Variants in TENM1 observed in about 807,000 individuals in gnomAD.
The protein encoded by TENM1 is teneurin transmembrane protein 1.
TENM1 carries 35 observed loss-of-function variants against 174.8 expected under a neutral mutation model. The ratio of observed to expected loss-of-function variants is 0.20; its 90% CI spans 0.15 to 0.27. The LOEUF is 0.27. Among genes scored for constraint, TENM1 ranks in the 10% least tolerant of loss-of-function variants. The probability of loss-of-function intolerance (pLI) is 1.00; values close to 1 mark genes in which losing one functional copy is unlikely to be tolerated. For synonymous variants in TENM1, 781 were observed against 798.7 expected (o/e 0.98, Z 0.37); for missense variants, 1,633 against 2,130.1 (o/e 0.77, Z 4.59).
chrX:124,818,972 A>G (rs1320887372), intron 3 of TENM1, among the ~76,000 whole-genome samples: 3 of 112,047 alleles, frequency 2.7e-5, no homozygotes, highest in Non-Finnish European at 5.6e-5. Context: ...TTTGCCTAAG[A>G]GCAAGCATAG....
the TENM1 span, among the ~76,000 whole-genome samples, chrX:125,063,712 G>A: frequency 2.9e-4 from 32 of 111,505 alleles, no homozygotes; most frequent in Non-Finnish European, 4.9e-4. Flanking sequence ...ACTGTTGGTG[G>A]GACTGTAAAC....
At chrX:125,203,150 G>A in the TENM1 span, among the ~76,000 whole-genome samples, 3 of 113,002 alleles carry the variant, frequency 2.7e-5, no homozygotes, top group Admixed American at 9.2e-5. Flanking sequence ...GCGTAGGTTA[G>A]GAGGTCCTGC....
chrX:124,444,095 A>G (rs2060939880), intron 23 of TENM1, among the ~76,000 whole-genome samples: 1 of 112,152 alleles, frequency 8.9e-6, no homozygotes, highest in African/African-American at 3.2e-5. Flanking sequence ...AATCTAACAG[A>G]TAACTAGTCT....
chrX:124,378,476 A>G (rs1460320804), exon 32 of TENM1: 1 of 112,267 alleles, frequency 8.9e-6, no homozygotes, highest in Non-Finnish European at 1.9e-5. Flanking sequence ...AATTTTCAAC[A>G]AGTTTGTTAG....
chrX:124,557,458 C>CTT (rs67506211), intron 14 of TENM1, among the ~76,000 whole-genome samples: 2 of 104,969 alleles, frequency 1.9e-5, no homozygotes, highest in African/African-American at 6.9e-5. Flanking sequence ...TCTATCACCA[C>CTT]TTTTTTTTTT....
intron 3 of TENM1, among the ~76,000 whole-genome samples, chrX:124,755,238 T>C (rs1296030172): frequency 4.6e-5 from 5 of 109,661 alleles, no homozygotes; most frequent in African/African-American, 1.4e-4. Flanking sequence ...TTTACCATTA[T>C]GTAATGGCCT....
intron 6 of TENM1, among the ~76,000 whole-genome samples, chrX:124,667,156 A>G (rs2051787470): frequency 8.9e-6 from 1 of 111,949 alleles, no homozygotes; most frequent in African/African-American, 3.2e-5. Context: ...TTAACATTCT[A>G]ATTTATTGAT....
chrX:124,798,237 T>A (rs1263494722), intron 3 of TENM1, among the ~76,000 whole-genome samples: 2 of 111,654 alleles, frequency 1.8e-5, no homozygotes, highest in African/African-American at 3.3e-5. Flanking sequence ...AAATGGTATT[T>A]CTGGTACTAG....
At chrX:125,203,528 T>C in the TENM1 span, among the ~76,000 whole-genome samples, 1 of 112,307 alleles carries the variant, frequency 8.9e-6, no homozygotes, top group Non-Finnish European at 1.9e-5. Flanking sequence ...CAGGGCCCGC[T>C]GGAAGCTTGA....
chrX:124,921,386 TC>T (rs1371469044), intron 1 of TENM1, among the ~76,000 whole-genome samples: 1 of 111,212 alleles, frequency 9.0e-6, no homozygotes, highest in Non-Finnish European at 1.9e-5. Flanking sequence ...TAAAAAACTT[TC>T]CATTTATTTT....
intron 4 of TENM1, among the ~76,000 whole-genome samples, chrX:124,711,644 A>G (rs979413140): frequency 8.9e-6 from 1 of 111,852 alleles, no homozygotes; most frequent in Non-Finnish European, 1.9e-5. Context: ...ATATTTGGAT[A>G]GCATAGTAGA....
chrX:124,805,677 G>T (rs936563478), intron 3 of TENM1, among the ~76,000 whole-genome samples: 6 of 112,157 alleles, frequency 5.3e-5, no homozygotes, highest in Non-Finnish European at 7.5e-5. Context: ...CCCCAGCACT[G>T]CCCCCAACTC....
chrX:124,724,130 A>C (rs1218476798), intron 4 of TENM1, among the ~76,000 whole-genome samples: 1 of 111,793 alleles, frequency 8.9e-6, no homozygotes, highest in Non-Finnish European at 1.9e-5. Context: ...GAACATTTCA[A>C]ACTAGATGGC....
At chrX:124,669,685 G>T (rs1449483532) in intron 6 of TENM1, among the ~76,000 whole-genome samples, 1 of 111,448 alleles carries the variant, frequency 9.0e-6, no homozygotes, top group Non-Finnish European at 1.9e-5. Flanking sequence ...GGATAAGCTA[G>T]CAACTTGGTA....
chrX:124,889,866 T>C (rs758226849), intron 3 of TENM1, among the ~76,000 whole-genome samples: 9 of 111,550 alleles, frequency 8.1e-5, no homozygotes, highest in Non-Finnish European at 1.7e-4. Context: ...TACAATTGTT[T>C]TCAGTTTAAG....
chrX:125,150,106 G>A, the TENM1 span, among the ~76,000 whole-genome samples: 3 of 111,214 alleles, frequency 2.7e-5, no homozygotes, highest in Non-Finnish European at 5.7e-5. Flanking sequence ...AAATAAAAAA[G>A]AATGAAGAAA....
intron 22 of TENM1, among the ~76,000 whole-genome samples, chrX:124,479,304 G>A (rs1239447903): frequency 8.9e-6 from 1 of 112,175 alleles, no homozygotes; most frequent in Non-Finnish European, 1.9e-5. Flanking sequence ...TTATGTGTAA[G>A]CTGTCCCAGA....
Position 124,736,957 on chromosome X carries a change from C to T in TENM1, c.776G>A (p.Arg259Lys), listed in dbSNP as rs1225488921. ...GTGGGATCAATAATAGCTCAAGTAC[C>T]TGGTCTCCAATGGTATGTTGCTGTT... Residue 259 changes from arginine to lysine, a missense_variant and splice_region_variant, in exon 4 of 32, where the codon AGG (arginine) becomes AAG (lysine). By Grantham distance (26) the Arg-to-Lys change is conservative. Transcript: ENST00000422452. The T allele has an allele frequency of 8.3e-7, 1 of 1,201,661 alleles. No homozygotes were observed. The highest frequency in any genetic ancestry group is 1.1e-6 in the Non-Finnish European group (1 of 891,122).
At chrX:124,958,943 TA>T (rs1343641070) in intron 1 of TENM1, among the ~76,000 whole-genome samples, 2 of 111,129 alleles carry the variant, frequency 1.8e-5, no homozygotes, top group Non-Finnish European at 3.8e-5. Context: ...ACATAACTAG[TA>T]AACTTAAAAG....
Sources: allele counts gnomAD v4.1 joint callset (sites outside exome capture counted in the v4.1 genomes callset), GRCh38; gene constraint gnomAD v4.1.1; transcripts MANE v1.5; gene names NCBI Gene and HGNC (gene_info 2026-07-23, HGNC 2026-07-21).